The following DNAH7 variants were observed in gnomAD, a reference collection of about 807,000 sequenced individuals.
The protein encoded by DNAH7 is axonemal beta dynein heavy chain 7.
A neutral mutation model predicts 444.6 loss-of-function variants in DNAH7; 397 were observed. The observed-to-expected ratio is 0.89, with a 90% CI of 0.82 to 0.97. The LOEUF (loss-of-function observed/expected upper bound fraction) is 0.97. DNAH7 is among the 50% of genes least tolerant of loss of function. DNAH7 has a pLI of 0.00. For missense variants in DNAH7, 4,902 were observed against 4,800.8 expected, an observed-to-expected ratio of 1.02 and a Z score of -0.62; for synonymous variants, 1,636 against 1,624.4, an observed-to-expected ratio of 1.01 and a Z score of -0.17.
intron 28 of DNAH7, among the ~76,000 whole-genome samples, chr2:195,898,538 C>A (rs1298426254): frequency 1.3e-5 from 2 of 152,132 alleles, no homozygotes; most frequent in Non-Finnish European, 2.9e-5. Flanking sequence ...AGTTTTCGCA[C>A]CATGCAGTTA....
chr2:195,792,692 T>C (rs1444232376), intron 57 of DNAH7, among the ~76,000 whole-genome samples: 2 of 151,634 alleles, frequency 1.3e-5, no homozygotes, highest in Admixed American at 1.3e-4. Flanking sequence ...TGTACCAGAA[T>C]AAGATAATAT....
intron 59 of DNAH7, among the ~76,000 whole-genome samples, chr2:195,776,688 C>T (rs1380645463): frequency 6.6e-6 from 1 of 151,960 alleles, no homozygotes; most frequent in Non-Finnish European, 1.5e-5. Flanking sequence ...TCACCCAATT[C>T]AAAAAAGTAA....
intron 10 of DNAH7, among the ~76,000 whole-genome samples, chr2:196,006,750 C>T (rs954118705): frequency 6.6e-6 from 1 of 151,930 alleles, no homozygotes; most frequent in African/African-American, 2.4e-5. Flanking sequence ...TTTCTACACA[C>T]TAGCAACAAT....
intron 53 of DNAH7, 132 bp downstream of exon 53, chr2:195,808,550 T>A (rs1696812151): frequency 9.6e-7 from 1 of 1,046,888 alleles, no homozygotes; most frequent in African/African-American, 1.6e-5. Flanking sequence ...GGGGATAACA[T>A]AAATCAAAAT....
intron 62 of DNAH7, 58 bp from the exon 63 acceptor site, chr2:195,754,572 T>C (rs1693977721): frequency 1.3e-6 from 2 of 1,527,664 alleles, no homozygotes; most frequent in Non-Finnish European, 1.8e-6. Context: ...TTTTTCTTTT[T>C]TTTTGAGACA....
intron 47 of DNAH7, among the ~76,000 whole-genome samples, chr2:195,838,162 T>C (rs932647159): frequency 3.9e-5 from 6 of 152,108 alleles, no homozygotes; most frequent in South Asian, 2.1e-4. Flanking sequence ...TGAACTGACA[T>C]TGCAACATCA....
intron 3 of DNAH7, among the ~76,000 whole-genome samples, chr2:196,048,629 G>A (rs1489345951): frequency 6.6e-6 from 1 of 152,144 alleles, no homozygotes; most frequent in Non-Finnish European, 1.5e-5. Context: ...GTGAATGCCT[G>A]TTACCTAAAA....
chr2:195,989,592 T>C (rs1693161198), intron 12 of DNAH7, among the ~76,000 whole-genome samples: 2 of 152,212 alleles, frequency 1.3e-5, no homozygotes, highest in Non-Finnish European at 2.9e-5. Context: ...TTGTCAGACA[T>C]TGATATAGTT....
At position 195,957,344 on chromosome 2, in the gene DNAH7, T is replaced by C. The variant is rs758668415; in HGVS notation, c.2995A>G (p.Ile999Val). ...CCTTCCTCAGGCATTTGAGACATAATGTCTGGAGAGCTGAAAATGGGCTCC... is the reference window on the plus strand; with the variant it reads ...CCTTCCTCAGGCATTTGAGACATAACGTCTGGAGAGCTGAAAATGGGCTCC... ...YLEPIFSSPD[I>V]MSQMPEEGRR... Residue 999 changes from isoleucine (I) to valine (V), a missense_variant, in exon 19 of 65, where the codon ATT (isoleucine) becomes GTT (valine). Transcript: ENST00000312428. 12 of 1,608,326 alleles carry C rather than the reference T, an allele frequency of 7.5e-6. No homozygotes were observed. Among genetic ancestry groups the C allele is most frequent in the South Asian group, 1.1e-5 (1 of 90,352 alleles).
chr2:195,852,563 G>A (rs1304587254), intron 46 of DNAH7, among the ~76,000 whole-genome samples: 1 of 152,022 alleles, frequency 6.6e-6, no homozygotes, highest in Non-Finnish European at 1.5e-5. Context: ...CATGACCCAG[G>A]TTGGATTCCA....
chr2:195,919,285 A>G (rs932812142), intron 24 of DNAH7, among the ~76,000 whole-genome samples: 4 of 151,898 alleles, frequency 2.6e-5, no homozygotes, highest in Non-Finnish European at 1.5e-5. Flanking sequence ...TGGGATAGAG[A>G]GAGGTTAGGA....
chr2:196,048,354 A>G lies in DNAH7; in HGVS notation c.192T>C (p.Ser64=), dbSNP rs765136772. The change falls in exon 4 of 65, where the codon AGT becomes AGC. Residue 64 remains serine (S), a synonymous_variant. Transcript: ENST00000312428. ...WQQAAPSFHL[S]VKQDDESPEP... Reference sequence around the variant, plus strand: ...CTGGACTCTCATCATCCTGCTTTACACTCAAATGGAATGATGGAGCTGCCT... The same window carrying G: ...CTGGACTCTCATCATCCTGCTTTACGCTCAAATGGAATGATGGAGCTGCCT... 4.3e-6 allele frequency: 7 copies of G among 1,613,980 alleles called. No individual in the cohort carries two copies. The East Asian group carries it at 1.3e-4, about 31-fold the overall frequency.
At chr2:195,882,139 T>C in intron 35 of DNAH7, 147 bp from the exon 36 acceptor site, 1 of 635,714 alleles carries the variant, frequency 1.6e-6, no homozygotes, top group Non-Finnish European at 2.7e-6. Flanking sequence ...ACACTCAGTT[T>C]GAAGGTTAAA....
chr2:195,909,687 C>T (rs933199868), intron 25 of DNAH7, among the ~76,000 whole-genome samples: 2 of 152,106 alleles, frequency 1.3e-5, no homozygotes, highest in African/African-American at 2.4e-5. Flanking sequence ...TTCTCAATAA[C>T]AAGATCTGTA....
intron 54 of DNAH7, among the ~76,000 whole-genome samples, chr2:195,804,834 A>G (rs997588600): frequency 3.3e-5 from 5 of 150,004 alleles, no homozygotes; most frequent in African/African-American, 1.2e-4. Context: ...TATTGTCCAC[A>G]TATCTATCTA....
At chr2:195,994,763 T>C in intron 12 of DNAH7, 1 of 469,926 alleles carries the variant, frequency 2.1e-6, no homozygotes, top group Non-Finnish European at 4.2e-6. Context: ...TAAGCTAACC[T>C]TTGATTCTCT....
chr2:196,034,714 C>T lies in DNAH7; in HGVS notation c.399-6667G>A, dbSNP rs148534948. Among the ~76,000 whole-genome samples the T allele has an allele frequency of 2.5e-3, 383 of 152,210 alleles. 1 individual carries two copies. The highest frequency in any genetic ancestry group is 8.6e-3 in the African/African-American group (357 of 41,516). ...GATCAATGGAACAGAAATAGCCCCT[C>T]GTATATGGTGAAATTATTTTCCACA... On this transcript the variant is annotated intron_variant, in intron 5 of 64. Coordinates refer to ENST00000312428, the MANE Select transcript of DNAH7 (RefSeq NM_018897.3).
chr2:195,785,605 G>GTAC (rs1695580529), intron 58 of DNAH7, among the ~76,000 whole-genome samples: 1 of 139,220 alleles, frequency 7.2e-6, no homozygotes. Flanking sequence ...TTTTTTTTTG[G>GTAC]TTGTTGTTTT....
chr2:196,025,057 GA>G (rs1172623638), intron 7 of DNAH7, among the ~76,000 whole-genome samples: 1 of 152,182 alleles, frequency 6.6e-6, no homozygotes, highest in Non-Finnish European at 1.5e-5. Flanking sequence ...AAGAAATCTG[GA>G]GATGATTTAA....
Sources: gnomAD v4.1 joint callset for allele counts (sites outside exome capture counted in the v4.1 genomes callset) on GRCh38, gnomAD v4.1.1 for gene constraint, MANE v1.5 for transcripts, NCBI Gene and HGNC (gene_info 2026-07-23, HGNC 2026-07-21) for gene names.